Variants in FHIT observed in about 807,000 individuals in gnomAD.
FHIT encodes the protein bis(5'-adenosyl)-triphosphatase.
A neutral mutation model predicts 17.9 loss-of-function variants in FHIT; 19 were observed. The ratio of observed to expected loss-of-function variants is 1.06; its 90% confidence interval spans 0.74 to 1.56. The LOEUF (loss-of-function observed/expected upper bound fraction) is 1.56. FHIT is among the 40% of genes most tolerant of loss of function. The pLI is 0.00. For missense variants in FHIT, 248 were observed against 189.2 expected (o/e 1.31, Z -1.82); for synonymous variants, 81 against 69.7 (o/e 1.16, Z -0.81).
chr3:60,967,277 C>T (rs967544228), intron 3 of FHIT, among the ~76,000 whole-genome samples: 12 of 152,208 alleles, frequency 7.9e-5, no homozygotes, highest in South Asian at 2.1e-4. Flanking sequence ...AGAAACAGTT[C>T]TGTTATACCA....
At chr3:60,795,259 T>C (rs1184432582) in intron 4 of FHIT, among the ~76,000 whole-genome samples, 2 of 152,212 alleles carry the variant, frequency 1.3e-5, no homozygotes, top group African/African-American at 2.4e-5. Context: ...ACATTATCAG[T>C]TCCTTGAAAT....
chr3:60,407,496 A>G (rs890421056), intron 5 of FHIT, among the ~76,000 whole-genome samples: 1 of 152,184 alleles, frequency 6.6e-6, no homozygotes, highest in African/African-American at 2.4e-5. Context: ...CAATGGGAAT[A>G]GGATATGCAA....
chr3:60,719,624 A>G (rs2041765347), intron 4 of FHIT, among the ~76,000 whole-genome samples: 1 of 152,204 alleles, frequency 6.6e-6, no homozygotes, highest in African/African-American at 2.4e-5. Flanking sequence ...GGCTTCCTAG[A>G]AGGGCAGAAA....
chr3:60,988,008 T>G (rs984978301), intron 3 of FHIT, among the ~76,000 whole-genome samples: 1 of 152,212 alleles, frequency 6.6e-6, no homozygotes, highest in Non-Finnish European at 1.5e-5. Context: ...AGGATTAATT[T>G]ATGAAATTGT....
chr3:59,901,346 C>T (rs1265723977), intron 8 of FHIT, among the ~76,000 whole-genome samples: 3 of 152,126 alleles, frequency 2.0e-5, no homozygotes, highest in Non-Finnish European at 4.4e-5. Context: ...ACCTGCAAGA[C>T]AAAGGTAAGT....
intron 8 of FHIT, among the ~76,000 whole-genome samples, chr3:59,908,853 T>TTTTTTTTTTTTTTAGACGG (rs1271629999): frequency 1.3e-5 from 2 of 150,828 alleles, no homozygotes; most frequent in Non-Finnish European, 1.5e-5. Flanking sequence ...CATTTTTTAA[T>TTTTTTTTTTTTTTAGACGG]AGTCCAACTG....
chr3:60,112,854 C>G (rs919751376), intron 5 of FHIT, among the ~76,000 whole-genome samples: 3 of 152,180 alleles, frequency 2.0e-5, no homozygotes, highest in African/African-American at 7.2e-5. Context: ...AAAAAAATCT[C>G]TTTCCTGGCT....
intron 8 of FHIT, among the ~76,000 whole-genome samples, chr3:59,910,763 G>A (rs1704832328): frequency 6.6e-6 from 1 of 152,130 alleles, no homozygotes. Flanking sequence ...GTATGAAAGT[G>A]GCTTATGTAT....
intron 3 of FHIT, among the ~76,000 whole-genome samples, chr3:60,910,617 T>A (rs1706694363): frequency 6.6e-6 from 1 of 152,138 alleles, no homozygotes; most frequent in African/African-American, 2.4e-5. Context: ...TTTCACCGTG[T>A]TAGCCAGGAT....
intron 8 of FHIT, among the ~76,000 whole-genome samples, chr3:59,789,435 A>C (rs185986602): frequency 1.3e-5 from 2 of 152,174 alleles, no homozygotes; most frequent in Non-Finnish European, 2.9e-5. Context: ...AACACTATGC[A>C]TTTTTCTCTT....
chr3:60,864,487 A>G (rs1553753414), intron 3 of FHIT, among the ~76,000 whole-genome samples: 1 of 152,136 alleles, frequency 6.6e-6, no homozygotes, highest in East Asian at 1.9e-4. Flanking sequence ...TTTGGGATGA[A>G]TACCTTCATC....
intron 2 of FHIT, among the ~76,000 whole-genome samples, chr3:61,075,324 G>T (rs1324709230): frequency 6.6e-6 from 1 of 152,038 alleles, no homozygotes; most frequent in Non-Finnish European, 1.5e-5. Flanking sequence ...TATAAGGGAT[G>T]TTTGTTTTAT....
chr3:60,677,615 T>C (rs1449543369), intron 4 of FHIT, among the ~76,000 whole-genome samples: 4 of 129,564 alleles, frequency 3.1e-5, no homozygotes, highest in Non-Finnish European at 6.6e-5. Flanking sequence ...TATATATGTG[T>C]ATACATATGT....
chr3:60,355,206 G>GT (rs1699596535), intron 5 of FHIT, among the ~76,000 whole-genome samples: 1 of 152,136 alleles, frequency 6.6e-6, no homozygotes, highest in Non-Finnish European at 1.5e-5. Flanking sequence ...GAACAAAATA[G>GT]TTAGGCTAAT....
chr3:60,184,874 T>C (rs546896115), intron 5 of FHIT, among the ~76,000 whole-genome samples: 3 of 152,314 alleles, frequency 2.0e-5, no homozygotes, highest in South Asian at 4.1e-4. Context: ...AATTCAATAG[T>C]GTTTATTCTG....
rs375753175 is a variant in FHIT at position 61,187,607 on chromosome 3, T to C, written c.-164+13010A>G. On this transcript the variant is annotated intron_variant, in intron 2 of 9. Coordinates refer to ENST00000492590, the MANE Select transcript of FHIT (RefSeq NM_002012.4). ...TAATAGACATCTACAGAACTCTCCA[T>C]CCCAAATCAACAGAATATACATTCT... Among the ~76,000 whole-genome samples the C allele has an allele frequency of 7.2e-5, 11 of 152,078 alleles. 1 individual carries two copies. The highest frequency in any genetic ancestry group is 4.1e-4 in the South Asian group (2 of 4,830).
chr3:59,762,157 G>A (rs1701550325), intron 8 of FHIT, among the ~76,000 whole-genome samples: 1 of 152,132 alleles, frequency 6.6e-6, no homozygotes, highest in South Asian at 2.1e-4. Context: ...ACTGGACAAA[G>A]GGAGGATCCG....
At chr3:60,986,524 A>T (rs570078744) in intron 3 of FHIT, among the ~76,000 whole-genome samples, 1 of 152,312 alleles carries the variant, frequency 6.6e-6, no homozygotes, top group East Asian at 1.9e-4. Flanking sequence ...GGTTAATAGG[A>T]TTATCTGGAT....
At chr3:61,200,999 C>T (rs529730230) in intron 1 of FHIT, among the ~76,000 whole-genome samples, 1 of 152,304 alleles carries the variant, frequency 6.6e-6, no homozygotes, top group African/African-American at 2.4e-5. Context: ...CATACTCAGT[C>T]TGACTAAGCA....
Sources: allele counts gnomAD v4.1 joint callset (sites outside exome capture counted in the v4.1 genomes callset), GRCh38; gene constraint gnomAD v4.1.1; transcripts MANE v1.5; gene names NCBI Gene and HGNC (gene_info 2026-07-23, HGNC 2026-07-21).